Variants in FAF1 observed in about 807,000 individuals in gnomAD.
FAF1 encodes FAS-associated factor 1.
FAF1 carries 25 observed loss-of-function variants against 92.5 expected under a neutral mutation model. The observed-to-expected ratio is 0.27, with a 90% CI of 0.20 to 0.38. FAF1 has a LOEUF of 0.38. Among genes scored for constraint, FAF1 ranks in the 10% least tolerant of loss-of-function variants. The pLI is 1.00. For missense variants in FAF1, 636 were observed against 793.3 expected (o/e 0.80, Z 2.38); for synonymous variants, 234 against 273.2 (o/e 0.86, Z 1.42).
At position 50,548,718 on chromosome 1, in the gene FAF1, T is replaced by C. The variant is rs562389046; in HGVS notation, c.1269-8990A>G. ...CTGTACTTTTTATATAATTTCATCC[T>C]GTCACCACCCACTGACTGAAAATGT... On this transcript the variant is annotated intron_variant, in intron 13 of 18. Coordinates refer to ENST00000396153, the MANE Select transcript of FAF1 (RefSeq NM_007051.3). Among the ~76,000 whole-genome samples the C allele has an allele frequency of 4.6e-5, 7 of 152,350 alleles. No individual in the cohort carries two copies. In the East Asian group the frequency reaches 9.6e-4, roughly 21 times the overall value.
intron 12 of FAF1, among the ~76,000 whole-genome samples, chr1:50,567,718 G>C (rs1444598150): frequency 6.6e-6 from 1 of 152,006 alleles, no homozygotes; most frequent in Non-Finnish European, 1.5e-5. Context: ...GAAAAGGTCT[G>C]AAATCAAGTT....
At chr1:50,587,865 A>G (rs942789563) in intron 9 of FAF1, among the ~76,000 whole-genome samples, 2 of 152,220 alleles carry the variant, frequency 1.3e-5, no homozygotes, top group African/African-American at 4.8e-5. Flanking sequence ...GGAGGAGATG[A>G]TAACTAAACC....
chr1:50,958,104 T>TG (rs1163452790), intron 1 of FAF1, among the ~76,000 whole-genome samples: 1 of 152,148 alleles, frequency 6.6e-6, no homozygotes, highest in African/African-American at 2.4e-5. Context: ...AAGACCAGCC[T>TG]GGGCAACATG....
intron 12 of FAF1, among the ~76,000 whole-genome samples, chr1:50,570,813 CCA>C (rs1380252077): frequency 6.6e-6 from 1 of 152,112 alleles, no homozygotes. Context: ...TAAATGGACT[CCA>C]GACTCAGATT....
chr1:50,925,779 G>A (rs1302185066), intron 1 of FAF1, among the ~76,000 whole-genome samples: 1 of 152,138 alleles, frequency 6.6e-6, no homozygotes, highest in Non-Finnish European at 1.5e-5. Flanking sequence ...AACATCAAAA[G>A]GATACCTATA....
chr1:50,850,550 T>C (rs1365615803), intron 2 of FAF1, among the ~76,000 whole-genome samples: 1 of 152,098 alleles, frequency 6.6e-6, no homozygotes, highest in Non-Finnish European at 1.5e-5. Flanking sequence ...ACTGAGTACA[T>C]GCACAAGAGA....
intron 12 of FAF1, among the ~76,000 whole-genome samples, chr1:50,576,868 T>G (rs1650771150): frequency 6.6e-6 from 1 of 151,174 alleles, no homozygotes; most frequent in African/African-American, 2.4e-5. Flanking sequence ...GATCTCACCA[T>G]GTTGCCCAGT....
intron 4 of FAF1, among the ~76,000 whole-genome samples, chr1:50,784,781 T>C (rs1661302159): frequency 1.3e-5 from 2 of 152,078 alleles, no homozygotes; most frequent in South Asian, 2.1e-4. Flanking sequence ...CCAAAACATA[T>C]TACAAAGCTA....
intron 6 of FAF1, among the ~76,000 whole-genome samples, chr1:50,731,776 T>G (rs1192194515): frequency 6.6e-6 from 1 of 152,204 alleles, no homozygotes; most frequent in Non-Finnish European, 1.5e-5. Context: ...TGTTCACTTC[T>G]AAGTATCTGA....
At chr1:50,895,363 G>A (rs1644750133) in intron 1 of FAF1, among the ~76,000 whole-genome samples, 1 of 152,102 alleles carries the variant, frequency 6.6e-6, no homozygotes, top group Non-Finnish European at 1.5e-5. Flanking sequence ...CAAGATCAAA[G>A]CTGCAATAAA....
intron 4 of FAF1, among the ~76,000 whole-genome samples, chr1:50,781,762 G>T (rs1661188466): frequency 6.6e-6 from 1 of 152,260 alleles, no homozygotes; most frequent in East Asian, 1.9e-4. Context: ...CCATAAAAAA[G>T]TCTTAAACTT....
At chr1:50,904,140 G>A (rs977253201) in intron 1 of FAF1, among the ~76,000 whole-genome samples, 4 of 152,132 alleles carry the variant, frequency 2.6e-5, no homozygotes, top group Non-Finnish European at 4.4e-5. Flanking sequence ...ATTGATAGAT[G>A]AATAAACAAA....
chr1:50,782,179 T>C (rs180931403), intron 4 of FAF1, among the ~76,000 whole-genome samples: 46 of 152,308 alleles, frequency 3.0e-4, no homozygotes, highest in African/African-American at 1.1e-3. Context: ...TACACTTTCT[T>C]TTTGTTTTTT....
At chr1:50,722,515 G>A (rs974566093) in intron 6 of FAF1, among the ~76,000 whole-genome samples, 7 of 152,078 alleles carry the variant, frequency 4.6e-5, no homozygotes, top group South Asian at 2.1e-4. Context: ...CAGGCGTGGC[G>A]GCGGGCGCCT....
rs561282984 is a variant in FAF1, at chr1:50,837,396, C to A, written c.114+20533G>T. Reference sequence around the variant, plus strand: ...TTTTGTTTGCTTTACATGCCACTAACAATTTTAAACTATTTTATAGAATAA... The same window carrying A: ...TTTTGTTTGCTTTACATGCCACTAAAAATTTTAAACTATTTTATAGAATAA... On this transcript the variant is annotated intron_variant, in intron 2 of 18. Coordinates refer to ENST00000396153, the MANE Select transcript of FAF1 (RefSeq NM_007051.3). Among the ~76,000 whole-genome samples the A allele has an allele frequency of 3.9e-5, 6 of 152,244 alleles. No homozygotes were observed. In the South Asian group the frequency reaches 1.2e-3, roughly 32 times the overall value.
At chr1:50,834,421 C>T (rs1426196057) in intron 2 of FAF1, among the ~76,000 whole-genome samples, 7 of 152,206 alleles carry the variant, frequency 4.6e-5, no homozygotes, top group African/African-American at 7.2e-5. Context: ...TCTCTCTGCT[C>T]AAAACCCTTC....
intron 1 of FAF1, among the ~76,000 whole-genome samples, chr1:50,946,324 C>A (rs562188532): frequency 1.3e-5 from 2 of 152,308 alleles, no homozygotes; most frequent in East Asian, 1.9e-4. Flanking sequence ...CCTCCCCACC[C>A]AAAGGAGAGT....
intron 12 of FAF1, among the ~76,000 whole-genome samples, chr1:50,581,387 T>C (rs1336351763): frequency 6.6e-6 from 1 of 152,206 alleles, no homozygotes; most frequent in Non-Finnish European, 1.5e-5. Flanking sequence ...GAGGCATCCT[T>C]GCACTCTGTT....
intron 1 of FAF1, among the ~76,000 whole-genome samples, chr1:50,923,598 T>C (rs1312509972): frequency 6.6e-6 from 1 of 152,056 alleles, no homozygotes; most frequent in Non-Finnish European, 1.5e-5. Context: ...ATTACCCTGA[T>C]ATCAAAACCA....
Sources: gnomAD v4.1 joint callset for allele counts (sites outside exome capture counted in the v4.1 genomes callset) on GRCh38, gnomAD v4.1.1 for gene constraint, MANE v1.5 for transcripts, NCBI Gene and HGNC (gene_info 2026-07-23, HGNC 2026-07-21) for gene names.